The following ADAMTSL1 variants were observed in gnomAD, a reference collection of about 807,000 sequenced individuals.
The protein encoded by ADAMTSL1 is ADAMTS-like protein 1.
In ADAMTSL1, 126 loss-of-function variants were observed where a neutral mutation model predicts 201.8. That is an observed-to-expected ratio of 0.62 (90% confidence interval 0.54 to 0.72). The LOEUF is 0.72. ADAMTSL1 is among the 30% of genes least tolerant of loss of function. The pLI is 0.00. For missense variants in ADAMTSL1, 2,679 were observed against 2,277.8 expected, an observed-to-expected ratio of 1.18 and a Z score of -3.59; for synonymous variants, 1,121 against 903.4, an observed-to-expected ratio of 1.24 and a Z score of -4.32.
intron 23 of ADAMTSL1, among the ~76,000 whole-genome samples, chr9:18,862,668 G>A (rs1432499448): frequency 6.6e-6 from 1 of 152,092 alleles, no homozygotes; most frequent in Non-Finnish European, 1.5e-5. Context: ...CAAAAGTATG[G>A]TATGACCCAA....
At chr9:18,693,122 G>A (rs1831334080) in intron 13 of ADAMTSL1, among the ~76,000 whole-genome samples, 1 of 152,154 alleles carries the variant, frequency 6.6e-6, no homozygotes, top group Non-Finnish European at 1.5e-5. Flanking sequence ...CTCTAACCTA[G>A]GAACAGTTCC....
intron 2 of ADAMTSL1, among the ~76,000 whole-genome samples, chr9:18,218,535 T>C (rs1392900736): frequency 6.6e-6 from 1 of 152,238 alleles, no homozygotes; most frequent in East Asian, 1.9e-4. Context: ...CAAAGGATGC[T>C]GGAGAACTTC....
At chr9:18,765,612 T>C (rs2133689194) in intron 16 of ADAMTSL1, among the ~76,000 whole-genome samples, 1 of 152,258 alleles carries the variant, frequency 6.6e-6, no homozygotes, top group Non-Finnish European at 1.5e-5. Flanking sequence ...TAATTAATTT[T>C]AAAAGAAGGA....
At chr9:18,228,247 C>A (rs898201911) in intron 2 of ADAMTSL1, among the ~76,000 whole-genome samples, 10 of 152,068 alleles carry the variant, frequency 6.6e-5, no homozygotes, top group African/African-American at 2.2e-4. Flanking sequence ...ATAGTTCCTG[C>A]GTGGTTTGGA....
intron 26 of ADAMTSL1, among the ~76,000 whole-genome samples, chr9:18,905,014 C>T (rs938469856): frequency 2.0e-5 from 3 of 152,070 alleles, no homozygotes; most frequent in Non-Finnish European, 2.9e-5. Flanking sequence ...GATTAACACC[C>T]CAGCACCACC....
intron 2 of ADAMTSL1, among the ~76,000 whole-genome samples, chr9:18,360,988 T>C (rs1441896984): frequency 1.3e-5 from 2 of 152,140 alleles, no homozygotes; most frequent in African/African-American, 4.8e-5. Flanking sequence ...TGGTAAGAAA[T>C]GTATCTCAGA....
chr9:18,404,623 T>G (rs867404037), intron 2 of ADAMTSL1, among the ~76,000 whole-genome samples: 20 of 152,222 alleles, frequency 1.3e-4, no homozygotes, highest in African/African-American at 4.8e-4. Context: ...TCACAAACAG[T>G]CTGAATATCT....
chr9:18,780,652 C>T (rs545707643), intron 19 of ADAMTSL1, among the ~76,000 whole-genome samples: 1 of 152,012 alleles, frequency 6.6e-6, no homozygotes, highest in African/African-American at 2.4e-5. Context: ...GGTATACATC[C>T]TTTTAGAATG....
intron 4 of ADAMTSL1, among the ~76,000 whole-genome samples, chr9:18,574,989 A>G (rs988617996): frequency 6.6e-6 from 1 of 152,088 alleles, no homozygotes; most frequent in Admixed American, 6.6e-5. Flanking sequence ...AGCAGTTGCT[A>G]TTGTTTTTCT....
At chr9:18,794,739 T>C (rs1822289204) in intron 19 of ADAMTSL1, among the ~76,000 whole-genome samples, 1 of 152,064 alleles carries the variant, frequency 6.6e-6, no homozygotes, top group Admixed American at 6.6e-5. Flanking sequence ...GTTCAAGTGA[T>C]TCTCTCACCT....
intron 2 of ADAMTSL1, among the ~76,000 whole-genome samples, chr9:18,261,410 A>G (rs1831918800): frequency 6.6e-6 from 1 of 152,202 alleles, no homozygotes; most frequent in Non-Finnish European, 1.5e-5. Flanking sequence ...TGACAGCTGC[A>G]TTAGGCAAGT....
At chr9:18,717,096 G>A (rs1264872633) in intron 14 of ADAMTSL1, among the ~76,000 whole-genome samples, 4 of 144,728 alleles carry the variant, frequency 2.8e-5, no homozygotes, top group Non-Finnish European at 6.1e-5. Context: ...GGGGTGGGGG[G>A]ACGGGGGAGG....
intron 2 of ADAMTSL1, among the ~76,000 whole-genome samples, chr9:18,342,505 A>G (rs56030218): frequency 2.6e-5 from 4 of 152,222 alleles, no homozygotes; most frequent in African/African-American, 9.6e-5. Context: ...TTTTAGTTAC[A>G]TCTCTCTAAG....
chr9:18,860,011 AT>A (rs1377166224), intron 23 of ADAMTSL1, among the ~76,000 whole-genome samples: 1 of 152,188 alleles, frequency 6.6e-6, no homozygotes, highest in Non-Finnish European at 1.5e-5. Flanking sequence ...CTGCCTAATG[AT>A]GTGTGTGCAT....
intron 2 of ADAMTSL1, among the ~76,000 whole-genome samples, chr9:18,189,179 T>G (rs1167348034): frequency 6.6e-6 from 1 of 152,164 alleles, no homozygotes; most frequent in Admixed American, 6.6e-5. Flanking sequence ...GGCTGAGTTG[T>G]GTACTGCTTC....
chr9:18,603,438 A>G (rs1273387444), intron 4 of ADAMTSL1, among the ~76,000 whole-genome samples: 4 of 151,782 alleles, frequency 2.6e-5, no homozygotes, highest in African/African-American at 9.7e-5. Context: ...ATACTGTACT[A>G]TGCAGTATTG....
At chr9:17,959,443 A>AT (rs1418741001) in intron 1 of ADAMTSL1, among the ~76,000 whole-genome samples, 2 of 151,922 alleles carry the variant, frequency 1.3e-5, no homozygotes, top group African/African-American at 2.4e-5. Context: ...TTTTAATCTG[A>AT]TTTTTTTATT....
intron 1 of ADAMTSL1, among the ~76,000 whole-genome samples, chr9:18,496,575 A>T (rs1224988548): frequency 6.6e-6 from 1 of 152,234 alleles, no homozygotes; most frequent in African/African-American, 2.4e-5. Flanking sequence ...TGAGAGTGAC[A>T]TGAAGTTAGC....
chr9:18,422,826 C>T (rs1401178354), intron 2 of ADAMTSL1, among the ~76,000 whole-genome samples: 1 of 152,132 alleles, frequency 6.6e-6, no homozygotes, highest in Non-Finnish European at 1.5e-5. Flanking sequence ...GTCTTCCCAT[C>T]CCTAAAGATA....
Sources: allele counts gnomAD v4.1 joint callset (sites outside exome capture counted in the v4.1 genomes callset), GRCh38; gene constraint gnomAD v4.1.1; transcripts MANE v1.5; gene names NCBI Gene and HGNC (gene_info 2026-07-23, HGNC 2026-07-21).